Variants in DCAF13 observed in about 807,000 individuals in gnomAD.
DCAF13 encodes DDB1- and CUL4-associated factor 13.
A neutral mutation model predicts 59.0 loss-of-function variants in DCAF13; 38 were observed. The ratio of observed to expected loss-of-function variants is 0.64; its 90% CI spans 0.50 to 0.84. The LOEUF is 0.84. DCAF13 is among the 40% of genes least tolerant of loss of function. The probability of loss-of-function intolerance (pLI) is 0.00; values close to 1 mark genes in which losing one functional copy is unlikely to be tolerated. For synonymous variants in DCAF13, 173 were observed against 175.0 expected (o/e 0.99, Z 0.09); for missense variants, 469 against 558.4 (o/e 0.84, Z 1.61).
chr8:103,428,951 A>G (rs186478405), intron 5 of DCAF13: 1 of 152,140 alleles, frequency 6.6e-6, no homozygotes, highest in African/African-American at 2.4e-5. Context: ...TAGTGGTAAA[A>G]GTAAATGGTG....
chr8:103,432,642 C>T lies in DCAF13; in HGVS notation c.703-17C>T, dbSNP rs754373946. 1.3e-6 allele frequency: 2 copies of T among 1,486,768 alleles called. No individual in the cohort carries two copies. Among genetic ancestry groups the T allele is most frequent in the South Asian group, 2.3e-5 (2 of 86,560 alleles). The allele number at this position is 1,486,768 out of a possible 1,614,324, so 92.1% of individuals were successfully genotyped here. On this transcript the variant is annotated splice_polypyrimidine_tract_variant and intron_variant, in intron 6 of 10. Coordinates refer to ENST00000612750, the MANE Select transcript of DCAF13 (RefSeq NM_015420.7). ...AAGGAAAGGAAGTGGGAAATTCATC[C>T]ATTCTTCCTTTCTCAGGTTATCTTA...
At chr8:103,425,131 A>G (rs769271546) in intron 3 of DCAF13, among the ~76,000 whole-genome samples, 17 of 152,196 alleles carry the variant, frequency 1.1e-4, no homozygotes, top group Non-Finnish European at 2.4e-4. Flanking sequence ...CCTTAGATAA[A>G]GATATCTTTG....
At chr8:103,430,391 C>CTAAA (rs10541932) in intron 5 of DCAF13, 40 of 289,784 alleles carry the variant, frequency 1.4e-4, no homozygotes, top group Middle Eastern at 1.1e-3. Flanking sequence ...GACTCTGTCT[C>CTAAA]TAAATAAATA....
chr8:103,421,114 G>T, intron 3 of DCAF13, 32 bp downstream of exon 3: 1 of 1,335,386 alleles, frequency 7.5e-7, no homozygotes, highest in South Asian at 1.2e-5. Flanking sequence ...CATTAAATTT[G>T]ATCAACATAG....
intron 8 of DCAF13, among the ~76,000 whole-genome samples, chr8:103,437,012 G>GTTTA (rs1282894832): frequency 6.6e-6 from 1 of 152,104 alleles, no homozygotes; most frequent in African/African-American, 2.4e-5. Flanking sequence ...CTTCATCACT[G>GTTTA]TTTATCTGAT....
chr8:103,432,768 T>G, intron 7 of DCAF13, 27 bp downstream of exon 7: 1 of 1,393,278 alleles, frequency 7.2e-7, no homozygotes, highest in South Asian at 1.2e-5. Flanking sequence ...TAAAAACTTG[T>G]GTATTTCTAT....
At chr8:103,433,826 CT>C (rs373059297) in intron 7 of DCAF13, among the ~76,000 whole-genome samples, 116 of 147,602 alleles carry the variant, frequency 7.9e-4, no homozygotes, top group Admixed American at 1.8e-3. Flanking sequence ...GTAATTGAAG[CT>C]TTTTTTTTTA....
intron 9 of DCAF13, 50 bp from the exon 10 acceptor site, chr8:103,441,405 G>A (rs533347295): frequency 1.3e-6 from 2 of 1,512,630 alleles, no homozygotes; most frequent in East Asian, 4.8e-5. Flanking sequence ...TTTTTATACT[G>A]AAGCAAAACA....
Position 103,432,664 on chromosome 8 carries a change from CT to C in DCAF13, c.710del (p.Leu237Ter). 1 of 1,584,388 alleles carries C rather than the reference CT, an allele frequency of 6.3e-7. No individual in the cohort carries two copies. Among genetic ancestry groups the C allele is most frequent in the Non-Finnish European group, 8.7e-7 (1 of 1,156,008 alleles). ...ATCCATTCTTCCTTTCTCAGGTTAT[CT>C]TAGATATGAGAACAAATACAATCTG... Reference protein sequence around the residue: ...RQATPLKKVILDMRTNTICWN... With the variant: ...RQATPLKKVIXDMRTNTICWN... On this transcript the variant is annotated frameshift_variant, in exon 7 of 11. Coordinates refer to ENST00000612750, the MANE Select transcript of DCAF13 (RefSeq NM_015420.7). LOFTEE classifies it high-confidence loss of function.
chr8:103,441,964 A>C (rs1817017439), intron 10 of DCAF13: 1 of 192,258 alleles, frequency 5.2e-6, no homozygotes, highest in African/African-American at 2.4e-5. Context: ...ACAGGGTTTC[A>C]CCATGTTAGC....
intron 1 of DCAF13, among the ~76,000 whole-genome samples, chr8:103,419,440 C>T (rs1032882577): frequency 6.6e-6 from 1 of 152,102 alleles, no homozygotes; most frequent in Non-Finnish European, 1.5e-5. Context: ...TTATGTGAGT[C>T]TTTTTTAAGT....
Position 103,440,289 on chromosome 8 carries a change from C to T in DCAF13, c.1086+18C>T. 6.5e-7 allele frequency: 1 copy of T among 1,544,358 alleles called. No homozygotes were observed. Among genetic ancestry groups the T allele is most frequent in the South Asian group, 1.3e-5 (1 of 79,644 alleles). Reference sequence around the variant, plus strand: ...TGGGTGTGGTAAGAGAATTCATTTTCTTTCATTGTCATAAAGCTGATTTCT... The same window carrying T: ...TGGGTGTGGTAAGAGAATTCATTTTTTTTCATTGTCATAAAGCTGATTTCT... On this transcript the variant is annotated intron_variant, in intron 9 of 10. Transcript: ENST00000612750.
rs1307880731 is a variant in DCAF13, at chr8:103,415,393, TG to T, written c.-51del. On this transcript the variant is annotated 5_prime_UTR_variant, in exon 1 of 11. Transcript: ENST00000612750. ...AGTCGCCTGTGGGAGGAGGTGGCGG[TG>T]GGCGGAACTCCTAGCGGACACCTCG... 1 of 1,613,708 alleles carries T rather than the reference TG, an allele frequency of 6.2e-7. No individual in the cohort carries two copies. The highest frequency in any genetic ancestry group is 8.5e-7 in the Non-Finnish European group (1 of 1,179,966).
chr8:103,418,084 C>T (rs956464016), intron 1 of DCAF13, among the ~76,000 whole-genome samples: 3 of 150,924 alleles, frequency 2.0e-5, no homozygotes, highest in East Asian at 2.0e-4. Flanking sequence ...GCCGAGATTG[C>T]GCCACTGCAC....
chr8:103,441,518 T>C lies in DCAF13; in HGVS notation c.1150T>C (p.Tyr384His). 1.9e-6 allele frequency: 3 copies of C among 1,606,194 alleles called. No homozygotes were observed. The South Asian group carries it at 3.4e-5, about 18-fold the overall frequency. The change falls in exon 10 of 11, where the codon TAT becomes CAT. Residue 384 changes from tyrosine to histidine, a missense_variant. Coordinates refer to ENST00000612750, the MANE Select transcript of DCAF13 (RefSeq NM_015420.7). The stretch of plus-strand genomic sequence containing the variant: ...GAAATTGAAGGAGAAATTTCAGCAT[T>C]ATCCTCATATAAAACGTATAGCTCG... ...NQKLKEKFQH[Y>H]PHIKRIARHR...
In DCAF13 at chr8:103,427,186, T is replaced by G. The variant is rs774479851; in HGVS notation, c.558T>G (p.Thr186=). ...TAGACATTTGGGATGAACAAAGAAC[T>G]AATCCTATATGTTCAATGACCTGGG... is the stretch of plus-strand genomic sequence containing the variant. The part of the protein sequence containing the change: ...QQVDIWDEQR[T]NPICSMTWGF... The change falls in exon 5 of 11, where the codon ACT becomes ACG. Residue 186 remains threonine, a synonymous_variant. Coordinates refer to ENST00000612750, the MANE Select transcript of DCAF13 (RefSeq NM_015420.7). The G allele has an allele frequency of 6.8e-6, 11 of 1,613,320 alleles. No individual in the cohort carries two copies. The highest frequency in any genetic ancestry group is 3.3e-4 in the Middle Eastern group (2 of 6,072).
chr8:103,436,893 TCTAA>T (rs1816942046), intron 8 of DCAF13, among the ~76,000 whole-genome samples: 1 of 152,244 alleles, frequency 6.6e-6, no homozygotes, highest in East Asian at 1.9e-4. Context: ...AATCTGCTTA[TCTAA>T]CTCTTTGCTC....
chr8:103,431,175 TCAAAGTAA>T (rs1816860586), intron 6 of DCAF13, among the ~76,000 whole-genome samples: 1 of 152,188 alleles, frequency 6.6e-6, no homozygotes, highest in Admixed American at 6.5e-5. Context: ...ACTATCCTGT[TCAAAGTAA>T]CAGATTTCCT....
intron 1 of DCAF13, among the ~76,000 whole-genome samples, chr8:103,418,043 G>A (rs1050613261): frequency 6.6e-6 from 1 of 151,522 alleles, no homozygotes; most frequent in Admixed American, 6.6e-5. Context: ...CAGGAGAATG[G>A]TGTGAACCCG....
Sources: allele counts gnomAD v4.1 joint callset (sites outside exome capture counted in the v4.1 genomes callset), GRCh38; gene constraint gnomAD v4.1.1; transcripts MANE v1.5; gene names NCBI Gene and HGNC (gene_info 2026-07-23, HGNC 2026-07-21).